Variants in POLA1 observed in about 807,000 individuals in gnomAD.
The protein encoded by POLA1 is DNA polymerase alpha catalytic subunit.
In POLA1, 15 loss-of-function variants were observed where a neutral mutation model predicts 124.0. The observed-to-expected ratio is 0.12, with a 90% CI of 0.08 to 0.19. The LOEUF is 0.19. Ranked by LOEUF, POLA1 falls within the 10% of genes least tolerant of loss-of-function variation. The probability of loss-of-function intolerance (pLI) is 1.00; values close to 1 mark genes in which losing one functional copy is unlikely to be tolerated. For missense variants in POLA1, 886 were observed against 1,103.4 expected (o/e 0.80, Z 2.79); for synonymous variants, 408 against 389.4 (o/e 1.05, Z -0.56).
chrX:24,723,343 T>A, intron 11 of POLA1, 76 bp downstream of exon 11: 1 of 617,128 alleles, frequency 1.6e-6, no homozygotes, highest in Non-Finnish European at 2.7e-6. Flanking sequence ...GCCAGCTCTC[T>A]CTCTTTCAAT....
intron 35 of POLA1, among the ~76,000 whole-genome samples, chrX:24,896,489 T>TG (rs2047208037): frequency 8.9e-6 from 1 of 111,857 alleles, no homozygotes; most frequent in African/African-American, 3.3e-5. Flanking sequence ...TGTTTTGTTT[T>TG]TTTGCGATTT....
intron 29 of POLA1, among the ~76,000 whole-genome samples, 157 bp from the exon 30 acceptor site, chrX:24,814,822 G>A (rs1332589399): frequency 1.8e-5 from 2 of 111,416 alleles, no homozygotes; most frequent in African/African-American, 3.3e-5. Context: ...AATAGTAACC[G>A]CCTTTTCGAC....
chrX:24,934,081 G>T (rs2047817562), intron 36 of POLA1, among the ~76,000 whole-genome samples: 2 of 111,833 alleles, frequency 1.8e-5, no homozygotes, highest in Non-Finnish European at 3.8e-5. Context: ...CCATTTCCAG[G>T]ATGGCCGCAT....
chrX:24,745,133 A>G (rs1335060602), intron 23 of POLA1, among the ~76,000 whole-genome samples: 2 of 108,236 alleles, frequency 1.8e-5, no homozygotes, highest in East Asian at 5.8e-4. Flanking sequence ...GCTCATAATA[A>G]TGGTGTGCTT....
rs775109497 is a variant in POLA1 at position 24,717,480 on chromosome X, C to T, written c.897C>T (p.Thr299=). 9.9e-6 allele frequency: 12 copies of T among 1,207,527 alleles called. No individual in the cohort carries two copies. The highest frequency in any genetic ancestry group is 4.4e-5 in the Admixed American group (2 of 45,756). Residue 299 remains threonine, a synonymous_variant, in exon 9 of 37, where the codon ACC becomes ACT. Transcript: ENST00000379068. Reference sequence around the variant, plus strand: ...AAGAGGCGGATTCTGGGAAAGGGACCGTGTCCTACTTGTAAGAGCATTTTA... The same window carrying T: ...AAGAGGCGGATTCTGGGAAAGGGACTGTGTCCTACTTGTAAGAGCATTTTA... ...VKQEADSGKG[T]VSYLGSFLPD...
At chrX:24,800,614 A>G (rs923954689) in intron 26 of POLA1, among the ~76,000 whole-genome samples, 11 of 112,020 alleles carry the variant, frequency 9.8e-5, no homozygotes, top group African/African-American at 3.2e-4. Context: ...CAAGTGAAAC[A>G]TATAGGACAT....
chrX:24,890,338 G>A (rs1454464432), intron 35 of POLA1, among the ~76,000 whole-genome samples: 2 of 110,483 alleles, frequency 1.8e-5, no homozygotes, highest in African/African-American at 6.6e-5. Flanking sequence ...CACCTGTCTC[G>A]GCCTCCCAAA....
intron 35 of POLA1, among the ~76,000 whole-genome samples, chrX:24,907,015 C>A (rs929495397): frequency 9.0e-6 from 1 of 110,993 alleles, no homozygotes; most frequent in African/African-American, 3.3e-5. Flanking sequence ...TGGTGAAACC[C>A]CATCTGTACT....
intron 36 of POLA1, among the ~76,000 whole-genome samples, chrX:24,961,479 A>C (rs952916859): frequency 8.9e-6 from 1 of 111,819 alleles, no homozygotes; most frequent in Non-Finnish European, 1.9e-5. Flanking sequence ...TATTTGGAGC[A>C]GGGTACTTTC....
intron 36 of POLA1, among the ~76,000 whole-genome samples, chrX:24,933,216 C>T (rs2147218513): frequency 9.0e-6 from 1 of 111,698 alleles, no homozygotes; most frequent in South Asian, 3.8e-4. Context: ...GGTCATAGTT[C>T]ATAGGGAACA....
chrX:24,783,697 C>T (rs2045308806), intron 26 of POLA1, among the ~76,000 whole-genome samples: 1 of 111,870 alleles, frequency 8.9e-6, no homozygotes. Flanking sequence ...TTTTTAGTCT[C>T]CACACCATTC....
chrX:24,909,667 C>T (rs1237295975), intron 35 of POLA1, among the ~76,000 whole-genome samples: 5 of 109,781 alleles, frequency 4.6e-5, no homozygotes, highest in East Asian at 2.9e-4. Context: ...AGTCAGGTAG[C>T]GTGATGCCTC....
chrX:24,701,798 G>A (rs2148310646), intron 2 of POLA1, among the ~76,000 whole-genome samples: 1 of 107,111 alleles, frequency 9.3e-6, no homozygotes, highest in African/African-American at 3.4e-5. Flanking sequence ...CTCTCTCCCA[G>A]GCTGGAGTGC....
At chrX:24,852,413 C>T (rs1366373206) in intron 34 of POLA1, among the ~76,000 whole-genome samples, 1 of 110,081 alleles carries the variant, frequency 9.1e-6, no homozygotes, top group Non-Finnish European at 1.9e-5. Flanking sequence ...CGGGTTCAAG[C>T]GATTCTCCTG....
At chrX:24,831,327 CAAT>C (rs994252939) in intron 32 of POLA1, among the ~76,000 whole-genome samples, 1 of 111,725 alleles carries the variant, frequency 9.0e-6, no homozygotes, top group African/African-American at 3.3e-5. Context: ...ATTACTTTGT[CAAT>C]AAAGAATTTT....
At chrX:24,750,845 C>G (rs1932284007) in intron 26 of POLA1, among the ~76,000 whole-genome samples, 1 of 111,508 alleles carries the variant, frequency 9.0e-6, no homozygotes, top group South Asian at 3.9e-4. Context: ...ACAGGAAGAT[C>G]ATGATTTTTG....
At chrX:24,734,263 G>T (rs1297642758) in intron 17 of POLA1, 1 of 112,286 alleles carries the variant, frequency 8.9e-6, no homozygotes. Flanking sequence ...CTAAATTCCA[G>T]CGTGCTCCAT....
chrX:24,877,882 G>T (rs1443589515), intron 34 of POLA1, among the ~76,000 whole-genome samples: 2 of 106,508 alleles, frequency 1.9e-5, no homozygotes, highest in African/African-American at 6.8e-5. Flanking sequence ...ACATCTGCAG[G>T]GAGTGAATTT....
chrX:24,789,252 C>G (rs1221460961), intron 26 of POLA1, among the ~76,000 whole-genome samples: 4 of 111,473 alleles, frequency 3.6e-5, no homozygotes, highest in Non-Finnish European at 5.6e-5. Flanking sequence ...ATATAGAAAA[C>G]CCTAACCCTA....
Sources: allele counts gnomAD v4.1 joint callset (sites outside exome capture counted in the v4.1 genomes callset), GRCh38; gene constraint gnomAD v4.1.1; transcripts MANE v1.5; gene names NCBI Gene and HGNC (gene_info 2026-07-23, HGNC 2026-07-21).